The following RABGAP1L variants were observed in gnomAD, a reference collection of about 807,000 sequenced individuals.
RABGAP1L encodes RAB GTPase activating protein 1 like.
In RABGAP1L, 63 loss-of-function variants were observed where a neutral mutation model predicts 137.7. That is an observed-to-expected ratio of 0.46 (90% confidence interval 0.37 to 0.56). The LOEUF (loss-of-function observed/expected upper bound fraction) is 0.56, where lower values mean the gene tolerates loss of function less well. Among genes scored for constraint, RABGAP1L ranks in the 20% least tolerant of loss-of-function variants. The pLI, the probability that RABGAP1L is intolerant of heterozygous loss-of-function variation, is 0.00. For missense variants in RABGAP1L, 1,095 were observed against 1,244.0 expected (o/e 0.88, Z 1.80); for synonymous variants, 431 against 433.7 (o/e 0.99, Z 0.08).
intron 1 of RABGAP1L, among the ~76,000 whole-genome samples, chr1:174,196,380 C>T (rs981034163): frequency 7.3e-5 from 11 of 151,682 alleles, no homozygotes; most frequent in Admixed American, 2.0e-4. Context: ...CCCGCCACCA[C>T]GCCTGGCTAA....
intron 13 of RABGAP1L, among the ~76,000 whole-genome samples, chr1:174,501,146 A>C (rs924393547): frequency 1.3e-5 from 2 of 152,022 alleles, no homozygotes; most frequent in Non-Finnish European, 2.9e-5. Flanking sequence ...TGGGAAAGAC[A>C]CAGAATCTTC....
rs1215611330 is a variant in RABGAP1L at position 174,702,232 on chromosome 1, C to T, written c.2145C>T (p.His715=). Residue 715 remains histidine, a synonymous_variant, in exon 17 of 26, where the codon CAC becomes CAT. Coordinates refer to ENST00000681986, the MANE Select transcript of RABGAP1L (RefSeq NM_001366446.1). ...TAKFPLCMVF[H]IIDLLLCEGL... ...AGTTCCCACTCTGCATGGTGTTCCA[C>T]ATCATTGACTTACTGCTTTGTGAGG... The T allele has an allele frequency of 5.0e-6, 8 of 1,610,050 alleles. No individual in the cohort carries two copies. The highest frequency in any genetic ancestry group is 1.3e-5 in the African/African-American group (1 of 74,752).
intron 1 of RABGAP1L, among the ~76,000 whole-genome samples, chr1:174,198,175 GTGAT>G (rs374869929): frequency 1.1e-3 from 166 of 152,216 alleles, no homozygotes; most frequent in African/African-American, 3.8e-3. Context: ...GACTATAAAA[GTGAT>G]TGAATAGTTC....
intron 11 of RABGAP1L, among the ~76,000 whole-genome samples, chr1:174,342,038 A>G (rs2148894363): frequency 6.6e-6 from 1 of 152,268 alleles, no homozygotes; most frequent in African/African-American, 2.4e-5. Flanking sequence ...ATGTGTAAGT[A>G]TATTTTCCTA....
At chr1:174,215,632 C>T (rs1338229460) in intron 1 of RABGAP1L, among the ~76,000 whole-genome samples, 1 of 152,092 alleles carries the variant, frequency 6.6e-6, no homozygotes, top group Non-Finnish European at 1.5e-5. Context: ...TATTATCTCA[C>T]CCCAGGTAAA....
intron 10 of RABGAP1L, among the ~76,000 whole-genome samples, chr1:174,301,683 GT>G (rs969420206): frequency 6.6e-6 from 1 of 152,114 alleles, no homozygotes; most frequent in Non-Finnish European, 1.5e-5. Flanking sequence ...CCAAAGTCAG[GT>G]GGCCTCTCTC....
chr1:174,320,323 T>C (rs1223877622), intron 11 of RABGAP1L, among the ~76,000 whole-genome samples: 1 of 152,226 alleles, frequency 6.6e-6, no homozygotes, highest in Non-Finnish European at 1.5e-5. Flanking sequence ...TTCAGTTTCA[T>C]ATACATGGAA....
At chr1:174,748,396 T>G (rs1021254092) in intron 17 of RABGAP1L, among the ~76,000 whole-genome samples, 3 of 152,182 alleles carry the variant, frequency 2.0e-5, no homozygotes, top group Admixed American at 2.0e-4. Context: ...GGGGTGATTC[T>G]AGCCTGTTAC....
Position 174,885,604 on chromosome 1 carries a change from C to T in RABGAP1L, c.2341-71853C>T, listed in dbSNP as rs180696782. On this transcript the variant is annotated intron_variant, in intron 19 of 25. Coordinates refer to ENST00000681986, the MANE Select transcript of RABGAP1L (RefSeq NM_001366446.1). ...CTCCTGAGCTCAAGTGATCCTCCCCCCTCGGCCTCCCAAAGTGCTGAGATT... is the reference window on the plus strand; with the variant it reads ...CTCCTGAGCTCAAGTGATCCTCCCCTCTCGGCCTCCCAAAGTGCTGAGATT... Among the ~76,000 whole-genome samples, 113 of 152,152 alleles carry T rather than the reference C, an allele frequency of 7.4e-4. 1 individual carries two copies. The highest frequency in any genetic ancestry group is 2.5e-3 in the African/African-American group (105 of 41,544).
chr1:174,383,649 CG>C (rs1461358495), intron 12 of RABGAP1L, among the ~76,000 whole-genome samples: 1 of 152,146 alleles, frequency 6.6e-6, no homozygotes, highest in African/African-American at 2.4e-5. Flanking sequence ...TGCTTCGGCT[CG>C]CGCACGGTGC....
chr1:174,784,984 G>A (rs1687348717), intron 18 of RABGAP1L, among the ~76,000 whole-genome samples: 1 of 152,084 alleles, frequency 6.6e-6, no homozygotes, highest in Admixed American at 6.5e-5. Flanking sequence ...TAAATGAAAA[G>A]GTATGTTTTG....
intron 13 of RABGAP1L, among the ~76,000 whole-genome samples, chr1:174,439,047 T>C (rs1370319891): frequency 6.6e-6 from 1 of 151,704 alleles, no homozygotes; most frequent in African/African-American, 2.4e-5. Flanking sequence ...TTTTCTTGTA[T>C]GGCTTTTTTT....
At chr1:174,737,563 A>G (rs966918247) in intron 17 of RABGAP1L, among the ~76,000 whole-genome samples, 4 of 146,806 alleles carry the variant, frequency 2.7e-5, no homozygotes, top group Admixed American at 1.3e-4. Flanking sequence ...AACTCTTCCA[A>G]CCTCTACCTG....
At chr1:174,569,716 C>G (rs895365358) in intron 13 of RABGAP1L, among the ~76,000 whole-genome samples, 1 of 152,136 alleles carries the variant, frequency 6.6e-6, no homozygotes, top group Admixed American at 6.5e-5. Flanking sequence ...AAGTTAGGCC[C>G]ATGTCCAGAG....
rs530872448 is a variant in RABGAP1L at position 174,725,722 on chromosome 1, G to C, written c.2169+23466G>C. Among the ~76,000 whole-genome samples, 16 of 152,224 alleles carry C rather than the reference G, an allele frequency of 1.1e-4. No individual in the cohort carries two copies. The South Asian group carries it at 3.3e-3, about 32-fold the overall frequency. ...CTTGCTGGGTCAAAGAAAAGGAAGG[G>C]CTCGTTTATACTGTAACAGTGTTTT... On this transcript the variant is annotated intron_variant, in intron 17 of 25. Coordinates refer to ENST00000681986, the MANE Select transcript of RABGAP1L (RefSeq NM_001366446.1).
intron 10 of RABGAP1L, among the ~76,000 whole-genome samples, chr1:174,300,752 A>G (rs1677618545): frequency 6.6e-6 from 1 of 152,100 alleles, no homozygotes; most frequent in African/African-American, 2.4e-5. Flanking sequence ...CTGTAATCAT[A>G]GCTACTTGGG....
intron 19 of RABGAP1L, among the ~76,000 whole-genome samples, chr1:174,885,986 C>T (rs898787501): frequency 6.7e-5 from 10 of 150,200 alleles, no homozygotes; most frequent in African/African-American, 1.5e-4. Flanking sequence ...AAAAACAAAA[C>T]GATGATTAAA....
chr1:174,264,711 C>A (rs1390776787), intron 7 of RABGAP1L, among the ~76,000 whole-genome samples: 2 of 151,620 alleles, frequency 1.3e-5, no homozygotes, highest in African/African-American at 2.4e-5. Context: ...TCTAATTCTT[C>A]ATTAAATCAT....
At chr1:174,585,273 C>G (rs1056752790) in intron 13 of RABGAP1L, among the ~76,000 whole-genome samples, 3 of 152,152 alleles carry the variant, frequency 2.0e-5, no homozygotes, top group Non-Finnish European at 4.4e-5. Flanking sequence ...TGCAGCTACT[C>G]TACCCAGCCA....
Sources: gnomAD v4.1 joint callset for allele counts (sites outside exome capture counted in the v4.1 genomes callset) on GRCh38, gnomAD v4.1.1 for gene constraint, MANE v1.5 for transcripts, NCBI Gene and HGNC (gene_info 2026-07-23, HGNC 2026-07-21) for gene names.